Variants in RIMS1 observed in about 807,000 individuals in gnomAD.
The protein encoded by RIMS1 is regulating synaptic membrane exocytosis 1, also known as regulating synaptic membrane exocytosis protein 1.
A neutral mutation model predicts 214.1 loss-of-function variants in RIMS1; 83 were observed. That is an observed-to-expected ratio of 0.39 (90% CI 0.32 to 0.47). The LOEUF (loss-of-function observed/expected upper bound fraction) is 0.47, where lower values mean the gene tolerates loss of function less well. RIMS1 is among the 20% of genes least tolerant of loss of function. The pLI, the probability that RIMS1 is intolerant of heterozygous loss-of-function variation, is 0.99. For missense variants in RIMS1, 2,050 were observed against 2,161.8 expected, an observed-to-expected ratio of 0.95 and a Z score of 1.03; for synonymous variants, 793 against 786.8, an observed-to-expected ratio of 1.01 and a Z score of -0.13.
At chr6:71,892,706 A>G (rs1049408527) in intron 1 of RIMS1, among the ~76,000 whole-genome samples, 1 of 152,170 alleles carries the variant, frequency 6.6e-6, no homozygotes, top group African/African-American at 2.4e-5. Context: ...TATTTCTAAC[A>G]AAGTGTCATA....
At chr6:71,934,819 G>A (rs1052915000) in intron 1 of RIMS1, among the ~76,000 whole-genome samples, 11 of 152,154 alleles carry the variant, frequency 7.2e-5, no homozygotes, top group Admixed American at 1.3e-4. Flanking sequence ...TTATTGGAGC[G>A]CTCTGCCATT....
At chr6:72,016,647 T>C (rs192663513) in intron 2 of RIMS1, among the ~76,000 whole-genome samples, 78 of 152,342 alleles carry the variant, frequency 5.1e-4, no homozygotes, top group African/African-American at 1.8e-3. Context: ...CCAGTGTTCT[T>C]ATTGCTTTTA....
intron 2 of RIMS1, among the ~76,000 whole-genome samples, chr6:72,071,178 G>A (rs991804646): frequency 2.6e-5 from 4 of 152,032 alleles, no homozygotes; most frequent in South Asian, 2.1e-4. Context: ...GAAGAATCAC[G>A]TGAGGCCAGA....
rs555395924 is a variant in RIMS1 at position 72,252,671 on chromosome 6, A to G, written c.2699-90A>G. On this transcript the variant is annotated intron_variant, in intron 15 of 33. Transcript: ENST00000521978. ...TTCATAAGTTTTCAGTAATAATGCA[A>G]TTCACTTTTTAAAAAAAGTTTGACA... The G allele has an allele frequency of 8.7e-5, 86 of 988,990 alleles. No homozygotes were observed. The Admixed American group carries it at 1.7e-3, about 19-fold the overall frequency. The allele number at this position is 988,990 out of a possible 1,614,324, so 61.3% of individuals were successfully genotyped here.
intron 1 of RIMS1, among the ~76,000 whole-genome samples, chr6:71,915,446 A>G (rs1361213146): frequency 6.6e-6 from 1 of 152,068 alleles, no homozygotes; most frequent in Non-Finnish European, 1.5e-5. Flanking sequence ...GGTCCAAGCT[A>G]TTTTCTGATT....
chr6:72,075,571 T>A (rs540700432), intron 2 of RIMS1, among the ~76,000 whole-genome samples: 2 of 152,328 alleles, frequency 1.3e-5, no homozygotes, highest in South Asian at 4.1e-4. Context: ...CTACATGGAC[T>A]ATCATGTAAA....
At chr6:72,318,583 A>G (rs986421680) in intron 28 of RIMS1, among the ~76,000 whole-genome samples, 40 of 152,086 alleles carry the variant, frequency 2.6e-4, no homozygotes, top group African/African-American at 8.2e-4. Flanking sequence ...ATATTAAACC[A>G]TATGTATTCT....
intron 1 of RIMS1, among the ~76,000 whole-genome samples, chr6:71,955,539 A>G (rs1667734914): frequency 6.6e-6 from 1 of 152,140 alleles, no homozygotes; most frequent in South Asian, 2.1e-4. Context: ...TGAGAAATCA[A>G]TTCCTAAGTC....
rs781632662 is a variant in RIMS1, at chr6:72,096,972, G to T, written c.269G>T (p.Ser90Ile). 2.4e-5 allele frequency: 39 copies of T among 1,613,628 alleles called. No individual in the cohort carries two copies. Among genetic ancestry groups the T allele is most frequent in the Non-Finnish European group, 3.3e-5 (39 of 1,179,718 alleles). ...AGGAGATTGCATCAACAGTTTGAAA[G>T]CTATAAGGAACAAGTGAGAAAAATA... Reference protein sequence around the residue: ...PSPRLHQQFESYKEQVRKIGE... With the variant: ...PSPRLHQQFEIYKEQVRKIGE... Residue 90 changes from serine to isoleucine, a missense_variant, in exon 3 of 34, where the codon AGC (serine) becomes ATC (isoleucine). By Grantham distance (142) the Ser-to-Ile change is moderately radical. This residue lies in a region of RIMS1 where 882 missense variants were observed against 828.9 expected (regional missense o/e 1.06). Coordinates refer to ENST00000521978, the MANE Select transcript of RIMS1 (RefSeq NM_014989.7).
chr6:72,217,099 T>A (rs1296809615), intron 6 of RIMS1: 8 of 1,513,738 alleles, frequency 5.3e-6, no homozygotes, highest in African/African-American at 1.4e-5. Context: ...GTGGATTTTT[T>A]AATTGTGTTG....
In RIMS1 at chr6:72,200,560, A is replaced by G. The variant is rs374987908; in HGVS notation, c.1678+17411A>G. Among the ~76,000 whole-genome samples, 273 of 152,288 alleles carry G rather than the reference A, an allele frequency of 1.8e-3. 1 individual carries two copies. The highest frequency in any genetic ancestry group is 6.4e-3 in the African/African-American group (264 of 41,568). ...ACAATTGGACAGGTTGACATTTAGC[A>G]CTAATGCTCAACAGTTTTACCTGGC... On this transcript the variant is annotated intron_variant, in intron 6 of 33. Transcript: ENST00000521978.
intron 29 of RIMS1, among the ~76,000 whole-genome samples, chr6:72,347,833 T>C (rs557185562): frequency 1.3e-5 from 2 of 152,032 alleles, no homozygotes; most frequent in Non-Finnish European, 2.9e-5. Flanking sequence ...CCGAAAGTAA[T>C]TTTTTTAAGT....
chr6:72,314,627 T>C (rs747678046), intron 28 of RIMS1, among the ~76,000 whole-genome samples: 7 of 152,172 alleles, frequency 4.6e-5, no homozygotes, highest in Admixed American at 1.3e-4. Flanking sequence ...CTTTTGGTGT[T>C]CTCAGCATCT....
chr6:72,381,983 T>G (rs1386171479), intron 29 of RIMS1, among the ~76,000 whole-genome samples: 1 of 152,236 alleles, frequency 6.6e-6, no homozygotes, highest in East Asian at 1.9e-4. Flanking sequence ...ATTTGAAATA[T>G]TCTCTTGAAG....
At chr6:72,117,175 G>C (rs552729088) in intron 4 of RIMS1, among the ~76,000 whole-genome samples, 1 of 152,036 alleles carries the variant, frequency 6.6e-6, no homozygotes, top group African/African-American at 2.4e-5. Flanking sequence ...TTTTAATTCA[G>C]TAGGTTTGGA....
At position 71,886,729 on chromosome 6, in the gene RIMS1, G is replaced by A. The variant is rs1455761492; in HGVS notation, c.-295G>A. On this transcript the variant is annotated 5_prime_UTR_variant, in exon 1 of 34. Transcript: ENST00000521978. ...TCTCCCGCCGCGCCTCCGCCTGCCC[G>A]CCCCCGCCGGCCGAGGCTGGGCTGC... 1.0e-5 allele frequency: 2 copies of A among 196,458 alleles called. No homozygotes were observed. The highest frequency in any genetic ancestry group is 2.1e-5 in the Non-Finnish European group (2 of 96,820). The allele number at this position is 196,458 out of a possible 1,614,324, so 12.2% of individuals were successfully genotyped here. A position where few individuals can be genotyped will look rare whatever the true frequency, so the allele number is the denominator to read the frequency against.
intron 4 of RIMS1, among the ~76,000 whole-genome samples, chr6:72,119,439 T>A (rs542160167): frequency 2.2e-4 from 33 of 151,898 alleles, no homozygotes; most frequent in African/African-American, 7.7e-4. Flanking sequence ...CTTCACAGAA[T>A]TAGAAAACAC....
intron 4 of RIMS1, among the ~76,000 whole-genome samples, chr6:72,103,345 A>G (rs1235977712): frequency 6.6e-6 from 1 of 152,172 alleles, no homozygotes; most frequent in East Asian, 1.9e-4. Context: ...TCTTGCATTC[A>G]GCATTACTAT....
intron 1 of RIMS1, among the ~76,000 whole-genome samples, chr6:71,907,110 C>G (rs781359983): frequency 1.3e-4 from 20 of 152,136 alleles, no homozygotes; most frequent in African/African-American, 4.8e-4. Context: ...TGGGTGCTTT[C>G]TTTTGAACTA....
Sources: allele counts gnomAD v4.1 joint callset (sites outside exome capture counted in the v4.1 genomes callset), GRCh38; gene constraint gnomAD v4.1.1; regional missense constraint gnomAD v4.1.1; transcripts MANE v1.5; gene names NCBI Gene and HGNC (gene_info 2026-07-23, HGNC 2026-07-21).